The following MANEA variants were observed in gnomAD, a reference collection of about 807,000 sequenced individuals.
MANEA encodes the protein mannosidase endo-alpha, also known as glycoprotein endo-alpha-1,2-mannosidase.
Under a neutral mutation model 36.8 loss-of-function variants are expected in MANEA, and 25 were observed. That is an observed-to-expected ratio of 0.68 (90% CI 0.50 to 0.95). The LOEUF is 0.95. Ranked by LOEUF, MANEA falls within the 40% of genes least tolerant of loss-of-function variation. MANEA has a pLI of 0.00. For synonymous variants in MANEA, 198 were observed against 188.5 expected (o/e 1.05, Z -0.41); for missense variants, 565 against 558.8 (o/e 1.01, Z -0.11).
intron 1 of MANEA, among the ~76,000 whole-genome samples, chr6:95,580,427 A>G (rs756147161): frequency 6.6e-6 from 1 of 152,146 alleles, no homozygotes; most frequent in Non-Finnish European, 1.5e-5. Flanking sequence ...GATATAATAC[A>G]TAAGGAATGA....
chr6:95,579,318 A>G (rs1769136604), intron 1 of MANEA, among the ~76,000 whole-genome samples: 1 of 152,196 alleles, frequency 6.6e-6, no homozygotes, highest in South Asian at 2.1e-4. Flanking sequence ...GGTTGTAGTG[A>G]GCCAAGATGG....
intron 2 of MANEA, among the ~76,000 whole-genome samples, chr6:95,595,972 T>G (rs1769474198): frequency 6.6e-6 from 1 of 152,168 alleles, no homozygotes; most frequent in Non-Finnish European, 1.5e-5. Context: ...ATTAGGTGAA[T>G]GTATAAAATA....
At chr6:95,602,256 G>A (rs1390505043) in intron 3 of MANEA, among the ~76,000 whole-genome samples, 2 of 152,320 alleles carry the variant, frequency 1.3e-5, no homozygotes, top group Admixed American at 6.5e-5. Flanking sequence ...ATATTAAGAA[G>A]AAGGATGAAG....
intron 2 of MANEA, chr6:95,589,970 A>G (rs1418233613): frequency 6.6e-6 from 1 of 152,136 alleles, no homozygotes; most frequent in Non-Finnish European, 1.5e-5. Flanking sequence ...GATGCACGAG[A>G]GACTCGACCC....
intron 2 of MANEA, among the ~76,000 whole-genome samples, 172 bp from the exon 3 acceptor site, chr6:95,596,565 A>G (rs1201740508): frequency 6.6e-6 from 1 of 152,148 alleles, no homozygotes; most frequent in Non-Finnish European, 1.5e-5. Flanking sequence ...AAGAGGTCAT[A>G]AATATTGACA....
At chr6:95,579,019 A>G (rs1769128349) in intron 1 of MANEA, among the ~76,000 whole-genome samples, 1 of 152,158 alleles carries the variant, frequency 6.6e-6, no homozygotes, top group African/African-American at 2.4e-5. Flanking sequence ...TTGCTGGCCC[A>G]GAGATTTTTG....
intron 3 of MANEA, among the ~76,000 whole-genome samples, chr6:95,604,245 GA>G (rs1423111321): frequency 2.0e-5 from 3 of 151,596 alleles, no homozygotes; most frequent in Non-Finnish European, 4.4e-5. Flanking sequence ...TGATATGGAA[GA>G]ATTTATATGT....
intron 3 of MANEA, among the ~76,000 whole-genome samples, chr6:95,601,414 C>T (rs914951215): frequency 6.6e-5 from 10 of 152,100 alleles, no homozygotes; most frequent in Admixed American, 2.0e-4. Context: ...CTTGCTTTGG[C>T]TGATGAGATG....
chr6:95,594,342 T>A (rs1327148656), intron 2 of MANEA, among the ~76,000 whole-genome samples: 1 of 152,200 alleles, frequency 6.6e-6, no homozygotes, highest in East Asian at 1.9e-4. Flanking sequence ...GGTGAGATAT[T>A]TGAATACATG....
At chr6:95,595,522 C>T (rs557365000) in intron 2 of MANEA, among the ~76,000 whole-genome samples, 5 of 152,260 alleles carry the variant, frequency 3.3e-5, no homozygotes, top group African/African-American at 1.2e-4. Context: ...CTTATTTGTA[C>T]ATGGCGGCTA....
chr6:95,586,869 C>CACA lies in MANEA; in HGVS notation c.433_435dup (p.Asn145dup). 6.2e-7 allele frequency: 1 copy of CACA among 1,613,438 alleles called. No individual in the cohort carries two copies. Among genetic ancestry groups the CACA allele is most frequent in the South Asian group, 1.1e-5 (1 of 91,056 alleles). ...AGCCAAGAATTATCCACAAGGGAGA[C>CACA]ACAACCCTCCAGATGACATTGGCTC... is the stretch of plus-strand genomic sequence containing the variant. On this transcript the variant is annotated inframe_insertion, in exon 2 of 5. Coordinates refer to ENST00000358812, the MANE Select transcript of MANEA (RefSeq NM_024641.4).
In MANEA at chr6:95,600,114, C is replaced by G. The variant is rs377747706; in HGVS notation, c.654+3268C>G. 1.2e-4 allele frequency among the ~76,000 whole-genome samples: 18 copies of G among 152,200 alleles called. No homozygotes were observed. In the South Asian group the frequency reaches 2.1e-3, roughly 18 times the overall value. ...ATATGAGGATTGGTTGGCTTTTTCTCCTGTTTAAAGTGTCTGTGTAGAGAA... is the reference window on the plus strand; with the variant it reads ...ATATGAGGATTGGTTGGCTTTTTCTGCTGTTTAAAGTGTCTGTGTAGAGAA... On this transcript the variant is annotated intron_variant, in intron 3 of 4. Transcript: ENST00000358812.
At position 95,596,801 on chromosome 6, in the gene MANEA, C is replaced by T; in HGVS notation, c.609C>T (p.Asn203=). 1 of 1,606,960 alleles carries T rather than the reference C, an allele frequency of 6.2e-7. No homozygotes were observed. The highest frequency in any genetic ancestry group is 8.5e-7 in the Non-Finnish European group (1 of 1,173,966). ...ATGAAAATGGAGAACCTACTGATAACTTGGTACCCACTATTTTGGATAAAG... is the reference window on the plus strand; with the variant it reads ...ATGAAAATGGAGAACCTACTGATAATTTGGTACCCACTATTTTGGATAAAG... The part of the protein sequence containing the change: ...VNDENGEPTD[N]LVPTILDKAH... The change falls in exon 3 of 5, where the codon AAC becomes AAT. Residue 203 remains asparagine (N), a synonymous_variant. Transcript: ENST00000358812.
At chr6:95,596,925 T>C (rs1236652624) in intron 3 of MANEA, 79 bp downstream of exon 3, 1 of 596,606 alleles carries the variant, frequency 1.7e-6, no homozygotes, top group East Asian at 2.8e-5. Flanking sequence ...TTTGAAATAG[T>C]AATTTTAATT....
intron 1 of MANEA, among the ~76,000 whole-genome samples, chr6:95,582,469 C>T (rs935559982): frequency 1.2e-4 from 19 of 152,244 alleles, no homozygotes; most frequent in African/African-American, 3.9e-4. Flanking sequence ...AGGCGTGAGC[C>T]ACCACGCCCA....
chr6:95,591,794 C>T (rs550109715), intron 2 of MANEA, among the ~76,000 whole-genome samples: 5 of 152,278 alleles, frequency 3.3e-5, no homozygotes, highest in African/African-American at 1.2e-4. Context: ...ACCTCTGCCT[C>T]CTGGGTTCAA....
At chr6:95,586,296 T>G (rs1769279301) in intron 1 of MANEA, 106 bp from the exon 2 acceptor site, 2 of 552,836 alleles carry the variant, frequency 3.6e-6, no homozygotes, top group African/African-American at 2.1e-5. Flanking sequence ...AAATCAGTAT[T>G]AATTATTCAA....
chr6:95,578,675 C>G (rs538556593), intron 1 of MANEA, among the ~76,000 whole-genome samples: 2 of 152,196 alleles, frequency 1.3e-5, no homozygotes, highest in East Asian at 3.9e-4. Context: ...AATGAAAACA[C>G]CATTTCCAGA....
In MANEA at chr6:95,606,533, A is replaced by T. The variant is rs9374688; in HGVS notation, c.*128A>T. 0.062 allele frequency: 30,044 copies of T among 481,600 alleles called. 2,979 individuals carry two copies. The highest frequency in any genetic ancestry group is 0.34 in the East Asian group (9,473 of 27,784). The allele number at this position is 481,600 out of a possible 1,614,324, so 29.8% of individuals were successfully genotyped here. A position where few individuals can be genotyped will look rare whatever the true frequency, so the allele number is the denominator to read the frequency against. On this transcript the variant is annotated 3_prime_UTR_variant, in exon 5 of 5. Transcript: ENST00000358812. ...TAGTTATATTTAAAAATATTTTTTT[A>T]AATTCTTTACAGATAATATTATACT...
Sources: allele counts gnomAD v4.1 joint callset (sites outside exome capture counted in the v4.1 genomes callset), GRCh38; gene constraint gnomAD v4.1.1; transcripts MANE v1.5; gene names NCBI Gene and HGNC (gene_info 2026-07-23, HGNC 2026-07-21).